DPYD: variants seen among roughly 807,000 people sequenced by gnomAD.
DPYD encodes dihydropyrimidine dehydrogenase.
Under a neutral mutation model 116.2 loss-of-function variants are expected in DPYD, and 109 were observed. The ratio of observed to expected loss-of-function variants is 0.94; its 90% CI spans 0.80 to 1.10. The LOEUF is 1.10. Among genes scored for constraint, DPYD ranks in the 50% least tolerant of loss-of-function variants. The pLI is 0.00. For missense variants in DPYD, 1,302 were observed against 1,254.5 expected (o/e 1.04, Z -0.57); for synonymous variants, 440 against 432.0 (o/e 1.02, Z -0.23).
At chr1:97,493,785 C>G (rs1029223296) in intron 13 of DPYD, among the ~76,000 whole-genome samples, 2 of 152,148 alleles carry the variant, frequency 1.3e-5, no homozygotes. Flanking sequence ...TCTTAAAAAC[C>G]TACAGAAACC....
At chr1:97,730,737 G>C (rs1262450104) in intron 4 of DPYD, among the ~76,000 whole-genome samples, 1 of 151,948 alleles carries the variant, frequency 6.6e-6, no homozygotes, top group Non-Finnish European at 1.5e-5. Context: ...TATTAAATTT[G>C]AAGAGAGAAA....
rs554963452 is a variant in DPYD, at chr1:97,886,678, C to T, written c.40-3304G>A. Among the ~76,000 whole-genome samples, 84 of 152,048 alleles carry T rather than the reference C, an allele frequency of 5.5e-4. 1 individual carries two copies. The highest frequency in any genetic ancestry group is 1.8e-3 in the African/African-American group (74 of 41,498). ...AAGCCATAAGAACAGAGAGGTCCCC[C>T]CAAAGGAACTGACTTTATTTGAACC... On this transcript the variant is annotated intron_variant, in intron 1 of 22. Coordinates refer to ENST00000370192, the MANE Select transcript of DPYD (RefSeq NM_000110.4).
chr1:97,613,954 G>A, intron 8 of DPYD, among the ~76,000 whole-genome samples: 1 of 151,990 alleles, frequency 6.6e-6, no homozygotes, highest in East Asian at 1.9e-4. Context: ...GGCTCACGAA[G>A]AGCCAGGGGG....
At chr1:97,894,121 G>T (rs1672926536) in intron 1 of DPYD, among the ~76,000 whole-genome samples, 1 of 151,772 alleles carries the variant, frequency 6.6e-6, no homozygotes, top group African/African-American at 2.4e-5. Flanking sequence ...CAAGGTGCCT[G>T]ACAATTTGGT....
At chr1:97,836,404 A>G (rs1207006263) in intron 2 of DPYD, among the ~76,000 whole-genome samples, 1 of 152,190 alleles carries the variant, frequency 6.6e-6, no homozygotes, top group East Asian at 1.9e-4. Context: ...TGCTTAATCT[A>G]GTTAAAATAT....
rs1037121939 is a variant in DPYD at position 97,334,460 on chromosome 1, T to C, written c.2059-28163A>G. On this transcript the variant is annotated intron_variant, in intron 16 of 22. Transcript: ENST00000370192. ...CATTGTTCAACTCATCTGTCTACAT[T>C]AAAAAACAAACAAACAAAACAATAG... 2.3e-5 allele frequency among the ~76,000 whole-genome samples: 3 copies of C among 129,882 alleles called. No individual in the cohort carries two copies. The East Asian group carries it at 7.1e-4, about 31-fold the overall frequency. 85.2% of individuals were successfully genotyped at this position (129,882 alleles called of 152,430 possible).
intron 13 of DPYD, among the ~76,000 whole-genome samples, chr1:97,483,560 G>C (rs984788247): frequency 2.2e-4 from 34 of 152,222 alleles, no homozygotes; most frequent in African/African-American, 7.5e-4. Flanking sequence ...TAATACCTAA[G>C]TGATGGGTTG....
At chr1:97,161,287 T>G (rs1655878207) in intron 20 of DPYD, among the ~76,000 whole-genome samples, 1 of 152,156 alleles carries the variant, frequency 6.6e-6, no homozygotes. Flanking sequence ...ATGTTTTCAT[T>G]TTTAATGTTA....
chr1:97,557,473 G>A (rs898681386), intron 11 of DPYD, among the ~76,000 whole-genome samples: 1 of 151,610 alleles, frequency 6.6e-6, no homozygotes, highest in Non-Finnish European at 1.5e-5. Flanking sequence ...TTGTCACCAC[G>A]CACAGCTAAT....
chr1:97,536,197 G>A (rs879379957), intron 12 of DPYD, among the ~76,000 whole-genome samples: 1 of 152,108 alleles, frequency 6.6e-6, no homozygotes, highest in Non-Finnish European at 1.5e-5. Context: ...TGACCCAGTG[G>A]AAAAACTTAG....
intron 18 of DPYD, among the ~76,000 whole-genome samples, chr1:97,302,762 A>G (rs1427889677): frequency 6.6e-6 from 1 of 152,034 alleles, no homozygotes; most frequent in African/African-American, 2.4e-5. Flanking sequence ...AAGTTTGGCC[A>G]AACAATGCTT....
At chr1:97,080,823 T>C (rs1649100311) in intron 22 of DPYD, among the ~76,000 whole-genome samples, 2 of 152,164 alleles carry the variant, frequency 1.3e-5, no homozygotes, top group African/African-American at 4.8e-5. Context: ...AAGAACTTTC[T>C]AAGTCTTTTA....
chr1:97,386,932 T>C (rs1366284640), intron 14 of DPYD, among the ~76,000 whole-genome samples: 1 of 151,994 alleles, frequency 6.6e-6, no homozygotes, highest in Non-Finnish European at 1.5e-5. Flanking sequence ...CTGTACTCCG[T>C]TTTTAATCAA....
intron 2 of DPYD, among the ~76,000 whole-genome samples, chr1:97,844,294 T>C (rs1558003765): frequency 6.6e-6 from 1 of 152,182 alleles, no homozygotes; most frequent in Non-Finnish European, 1.5e-5. Flanking sequence ...TCAGAAGTCG[T>C]AAGTGTCTTT....
intron 3 of DPYD, among the ~76,000 whole-genome samples, chr1:97,799,851 A>T (rs2101325265): frequency 6.6e-6 from 1 of 152,062 alleles, no homozygotes; most frequent in Non-Finnish European, 1.5e-5. Flanking sequence ...TGCCTAGAAC[A>T]GAACCTTGTT....
intron 3 of DPYD, among the ~76,000 whole-genome samples, chr1:97,752,657 C>T (rs973775191): frequency 6.6e-6 from 1 of 152,178 alleles, no homozygotes; most frequent in Non-Finnish European, 1.5e-5. Flanking sequence ...ATGCTCTTCC[C>T]TTTCCTGAAG....
chr1:97,514,262 A>C, intron 13 of DPYD: 3 of 984,200 alleles, frequency 3.0e-6, no homozygotes, highest in Non-Finnish European at 3.6e-6. Flanking sequence ...GCATGTCACC[A>C]ACAGTGTAAA....
intron 20 of DPYD, among the ~76,000 whole-genome samples, chr1:97,119,958 T>A (rs1652293386): frequency 6.6e-6 from 1 of 152,148 alleles, no homozygotes; most frequent in South Asian, 2.1e-4. Flanking sequence ...TGGCTAATTC[T>A]CATCCACACA....
intron 14 of DPYD, among the ~76,000 whole-genome samples, chr1:97,400,359 T>C (rs879568115): frequency 1.5e-4 from 23 of 152,200 alleles, no homozygotes; most frequent in Non-Finnish European, 2.8e-4. Flanking sequence ...GCCAGTATTT[T>C]ATTGAGGATT....
Sources: gnomAD v4.1 joint callset for allele counts (sites outside exome capture counted in the v4.1 genomes callset) on GRCh38, gnomAD v4.1.1 for gene constraint, MANE v1.5 for transcripts, NCBI Gene and HGNC (gene_info 2026-07-23, HGNC 2026-07-21) for gene names.